The following CLIC5 variants were observed in gnomAD, a reference collection of about 807,000 sequenced individuals.
CLIC5 encodes the protein CLIC family member 5.
Under a neutral mutation model 24.7 loss-of-function variants are expected in CLIC5, and 20 were observed. That is an observed-to-expected ratio of 0.81 (90% CI 0.57 to 1.18). The LOEUF (loss-of-function observed/expected upper bound fraction) is 1.18, where lower values mean the gene tolerates loss of function less well. Ranked by LOEUF, CLIC5 falls within the 50% of genes most tolerant of loss-of-function variation. The probability of loss-of-function intolerance (pLI) is 0.00; values close to 1 mark genes in which losing one functional copy is unlikely to be tolerated. For missense variants in CLIC5, 341 were observed against 326.1 expected (o/e 1.05, Z -0.35); for synonymous variants, 159 against 135.6 (o/e 1.17, Z -1.20).
At chr6:46,052,507 A>G (rs770884045) in intron 1 of CLIC5, among the ~76,000 whole-genome samples, 3 of 152,258 alleles carry the variant, frequency 2.0e-5, no homozygotes, top group Non-Finnish European at 4.4e-5. Context: ...AATAGAGTAC[A>G]GAAAATATTA....
At chr6:46,009,022 C>T (rs566938828) in intron 1 of CLIC5, among the ~76,000 whole-genome samples, 3 of 152,134 alleles carry the variant, frequency 2.0e-5, no homozygotes, top group East Asian at 1.9e-4. Context: ...GGGCCTCACC[C>T]CACCCTCCTA....
intron 3 of CLIC5, among the ~76,000 whole-genome samples, chr6:45,945,195 C>A (rs1218705061): frequency 6.6e-6 from 1 of 152,220 alleles, no homozygotes; most frequent in Non-Finnish European, 1.5e-5. Context: ...TGAGCTCTTA[C>A]TTCATATCAG....
the CLIC5 span, among the ~76,000 whole-genome samples, chr6:46,090,401 AT>A: frequency 8.4e-6 from 1 of 118,408 alleles, no homozygotes; most frequent in Non-Finnish European, 1.9e-5. Context: ...CGTCAACTTG[AT>A]GGGTTTTTTT....
the CLIC5 span, among the ~76,000 whole-genome samples, chr6:46,109,513 T>TAAAAAAAAAAAAAAAAAAAAAAA: frequency 2.1e-5 from 1 of 47,166 alleles, no homozygotes; most frequent in African/African-American, 1.0e-4. Flanking sequence ...CAGTCTCCAC[T>TAAAAAAAAAAAAAAAAAAAAAAA]AAAAAAAAAA....
the CLIC5 span, among the ~76,000 whole-genome samples, chr6:46,115,645 C>T: frequency 4.2e-4 from 64 of 152,330 alleles, no homozygotes; most frequent in Admixed American, 4.1e-3. Flanking sequence ...GTGACTTCAA[C>T]AGAAGCAGCC....
intron 4 of CLIC5, among the ~76,000 whole-genome samples, chr6:45,919,454 C>T (rs569569794): frequency 3.9e-5 from 6 of 152,290 alleles, no homozygotes; most frequent in East Asian, 3.9e-4. Flanking sequence ...AAGCACCACA[C>T]GGAGCTCTTA....
At chr6:45,956,697 GGC>G (rs1764655810) in intron 1 of CLIC5, among the ~76,000 whole-genome samples, 1 of 152,068 alleles carries the variant, frequency 6.6e-6, no homozygotes, top group Non-Finnish European at 1.5e-5. Flanking sequence ...TGACAGTGTT[GGC>G]TGCATGTAAT....
At chr6:45,976,511 A>G (rs1350424041) in intron 1 of CLIC5, among the ~76,000 whole-genome samples, 8 of 152,202 alleles carry the variant, frequency 5.3e-5, no homozygotes, top group Admixed American at 5.2e-4. Context: ...ATTTGAAGGC[A>G]TGGTTAGACA....
chr6:45,975,096 A>G (rs943858202), intron 1 of CLIC5, among the ~76,000 whole-genome samples: 35 of 152,318 alleles, frequency 2.3e-4, no homozygotes, highest in African/African-American at 6.5e-4. Flanking sequence ...AAGGGAGGTG[A>G]CAAAAAAAGA....
At chr6:46,082,909 C>T (rs753881450), upstream of CLIC5, among the ~76,000 whole-genome samples, 1 of 152,092 alleles carries the variant, frequency 6.6e-6, no homozygotes, top group South Asian at 2.1e-4. Flanking sequence ...AGAATGTAAA[C>T]CCTATATGGC....
rs1311701897 is a variant in CLIC5, at chr6:45,898,633, G to C, written c.*4455C>G. 3 of 152,582 alleles carry C rather than the reference G, an allele frequency of 2.0e-5. No individual in the cohort carries two copies. Among genetic ancestry groups the C allele is most frequent in the Non-Finnish European group, 4.4e-5 (3 of 68,040 alleles). The allele number at this position is 152,582 out of a possible 1,614,324, so 9.5% of individuals were successfully genotyped here. A position where few individuals can be genotyped will look rare whatever the true frequency, so the allele number is the denominator to read the frequency against. ...CCTGTTATTCATCACCATAGTTAAA[G>C]GTCTCGAGAAAATCAAGTAACTATC... On this transcript the variant is annotated 3_prime_UTR_variant, in exon 6 of 6. Transcript: ENST00000339561.
rs372477118 is a variant in CLIC5, at chr6:45,952,306, G to A, written c.173+2829C>T. ...GACTATATCATTAGCATTGGATGAC[G>A]TATTGCCAGGTATGATTTATGAATT... On this transcript the variant is annotated intron_variant, in intron 2 of 5. Coordinates refer to ENST00000339561, the MANE Select transcript of CLIC5 (RefSeq NM_016929.5). 3.0e-4 allele frequency among the ~76,000 whole-genome samples: 46 copies of A among 152,300 alleles called. 1 individual carries two copies. The highest frequency in any genetic ancestry group is 8.2e-4 in the African/African-American group (34 of 41,550).
chr6:46,123,132 A>G, the CLIC5 span: 2 of 152,256 alleles, frequency 1.3e-5, no homozygotes, highest in Non-Finnish European at 2.9e-5. Flanking sequence ...CAAGAATAAA[A>G]AGAGAATTTT....
the CLIC5 span, among the ~76,000 whole-genome samples, chr6:46,089,565 G>C: frequency 8.5e-5 from 13 of 152,156 alleles, no homozygotes; most frequent in Non-Finnish European, 1.8e-4. Context: ...TGTGGGAGGG[G>C]TAGAATTTGC....
intron 1 of CLIC5, among the ~76,000 whole-genome samples, chr6:46,027,812 G>T (rs1767382562): frequency 6.6e-6 from 1 of 152,150 alleles, no homozygotes; most frequent in Non-Finnish European, 1.5e-5. Flanking sequence ...AGAAGGCCAG[G>T]ACTTGTGGAG....
Position 45,955,236 on chromosome 6 carries a change from G to T in CLIC5, c.72C>A (p.Ile24=). 2 of 1,613,196 alleles carry T rather than the reference G, an allele frequency of 1.2e-6. No individual in the cohort carries two copies. Among genetic ancestry groups the T allele is most frequent in the South Asian group, 1.1e-5 (1 of 91,008 alleles). The change falls in exon 2 of 6, where the codon ATC becomes ATA. Residue 24 remains isoleucine, a synonymous_variant. Transcript: ENST00000339561. Reference sequence around the variant, plus strand: ...GACAGTTGCCGATGCTTTCTCCATCGATTCCAGCCTGGAAAGAAGAGAACC... The same window carrying T: ...GACAGTTGCCGATGCTTTCTCCATCTATTCCAGCCTGGAAAGAAGAGAACC... The part of the protein sequence containing the change: ...PEIELFVKAG[I]DGESIGNCPF...
intron 1 of CLIC5, among the ~76,000 whole-genome samples, chr6:45,960,978 C>T (rs1437861273): frequency 2.0e-5 from 3 of 152,170 alleles, no homozygotes; most frequent in Non-Finnish European, 4.4e-5. Flanking sequence ...ACTCTTTTAT[C>T]TTAGTTAAAA....
chr6:46,023,341 TAAAG>T (rs1767238475), intron 1 of CLIC5, among the ~76,000 whole-genome samples: 1 of 152,140 alleles, frequency 6.6e-6, no homozygotes, highest in African/African-American at 2.4e-5. Context: ...ATTTCACAAA[TAAAG>T]AAGCAAAAAC....
chr6:45,923,981 T>C (rs760264648), intron 4 of CLIC5, among the ~76,000 whole-genome samples: 7 of 152,146 alleles, frequency 4.6e-5, no homozygotes, highest in African/African-American at 7.2e-5. Context: ...GGAGCAATAA[T>C]TGAGTCATCA....
Sources: allele counts gnomAD v4.1 joint callset (sites outside exome capture counted in the v4.1 genomes callset), GRCh38; gene constraint gnomAD v4.1.1; transcripts MANE v1.5; gene names NCBI Gene and HGNC (gene_info 2026-07-23, HGNC 2026-07-21).